GAN: variants seen among roughly 807,000 people sequenced by gnomAD.
GAN encodes gigaxonin, also known as epididymis secretory sperm binding protein.
Under a neutral mutation model 71.3 loss-of-function variants are expected in GAN, and 48 were observed. The observed-to-expected ratio is 0.67, with a 90% confidence interval of 0.53 to 0.86. The LOEUF (loss-of-function observed/expected upper bound fraction) is 0.86. Ranked by LOEUF, GAN falls within the 40% of genes least tolerant of loss-of-function variation. GAN has a pLI of 0.00. For missense variants in GAN, 928 were observed against 770.1 expected (o/e 1.21, Z -2.43); for synonymous variants, 386 against 276.8 (o/e 1.39, Z -3.92).
chr16:81,343,730 C>T (rs550376273), intron 1 of GAN, among the ~76,000 whole-genome samples: 1 of 152,198 alleles, frequency 6.6e-6, no homozygotes, highest in Non-Finnish European at 1.5e-5. Context: ...CCCTCTCTCA[C>T]CATTCCTATT....
At chr16:81,347,987 T>C (rs1431078870) in intron 1 of GAN, among the ~76,000 whole-genome samples, 1 of 152,032 alleles carries the variant, frequency 6.6e-6, no homozygotes, top group Non-Finnish European at 1.5e-5. Context: ...TCTTAACTTA[T>C]CTCTCATTTT....
chr16:81,324,579 G>A (rs894907186), intron 1 of GAN, among the ~76,000 whole-genome samples: 1 of 152,126 alleles, frequency 6.6e-6, no homozygotes, highest in Non-Finnish European at 1.5e-5. Context: ...TAGAGGCTGG[G>A]AAGGCCTGTG....
At chr16:81,345,821 A>G (rs1910099860) in intron 1 of GAN, among the ~76,000 whole-genome samples, 1 of 152,184 alleles carries the variant, frequency 6.6e-6, no homozygotes, top group Admixed American at 6.6e-5. Flanking sequence ...TGTCTGCAAG[A>G]CGCATGCAAG....
intron 1 of GAN, among the ~76,000 whole-genome samples, chr16:81,323,307 A>G (rs187834053): frequency 2.0e-5 from 3 of 152,296 alleles, no homozygotes; most frequent in Non-Finnish European, 2.9e-5. Flanking sequence ...CCTAAAAATT[A>G]CAATGCCTGC....
At position 81,377,266 on chromosome 16, in the gene GAN, C is replaced by A; in HGVS notation, c.1550C>A (p.Ser517Tyr). 6.2e-7 allele frequency: 1 copy of A among 1,612,618 alleles called. No individual in the cohort carries two copies. Among genetic ancestry groups the A allele is most frequent in the Non-Finnish European group, 8.5e-7 (1 of 1,178,628 alleles). The change falls in exon 10 of 11, where the codon TCT becomes TAT. Residue 517 changes from serine (S) to tyrosine (Y), a missense_variant. Coordinates refer to ENST00000648994, the MANE Select transcript of GAN (RefSeq NM_022041.4). ...AATTTATGCATCCCCGCCAGTTCCT[C>A]TTTTGTTTATGGAGCTGTACCTATA... ...DQNLCIPASS[S>Y]FVYGAVPIGA... is the part of the protein sequence containing the mutation.
At chr16:81,329,107 C>G (rs1909485578) in intron 1 of GAN, among the ~76,000 whole-genome samples, 1 of 152,076 alleles carries the variant, frequency 6.6e-6, no homozygotes, top group Non-Finnish European at 1.5e-5. Context: ...GATTGATAGT[C>G]AAGGCCTATC....
At chr16:81,333,686 G>A (rs561681208) in intron 1 of GAN, among the ~76,000 whole-genome samples, 1 of 152,302 alleles carries the variant, frequency 6.6e-6, no homozygotes, top group East Asian at 1.9e-4. Context: ...CTCAAGGATG[G>A]AGACTACCAA....
intron 1 of GAN, among the ~76,000 whole-genome samples, chr16:81,336,970 C>T (rs117101988): frequency 2.4e-4 from 36 of 152,164 alleles, no homozygotes; most frequent in Non-Finnish European, 4.9e-4. Context: ...TAGTTGACGT[C>T]AGGGTTCACT....
At chr16:81,334,787 T>A (rs1217432349) in intron 1 of GAN, among the ~76,000 whole-genome samples, 1 of 152,170 alleles carries the variant, frequency 6.6e-6, no homozygotes, top group Non-Finnish European at 1.5e-5. Flanking sequence ...AACAGTGTGG[T>A]CGTTTGACTT....
At chr16:81,324,867 G>A (rs1909331398) in intron 1 of GAN, among the ~76,000 whole-genome samples, 1 of 152,234 alleles carries the variant, frequency 6.6e-6, no homozygotes, top group African/African-American at 2.4e-5. Context: ...AGCCAAGAGT[G>A]GAACCAGCGG....
intron 1 of GAN, among the ~76,000 whole-genome samples, chr16:81,330,890 A>T (rs1005317717): frequency 3.7e-4 from 56 of 152,234 alleles, no homozygotes; most frequent in African/African-American, 1.4e-3. Context: ...TCTGCTAAAA[A>T]TGCATAACCT....
Position 81,349,998 on chromosome 16 carries a change from A to G in GAN, c.168-1585A>G, listed in dbSNP as rs116877347. ...TTTCTTAGTAAAAAATAACAGGAAT[A>G]TCTAGATATAAGTTCTTAAAACAAA... On this transcript the variant is annotated intron_variant, in intron 1 of 10. Transcript: ENST00000648994. Among the ~76,000 whole-genome samples the G allele has an allele frequency of 7.3e-3, 1,112 of 152,292 alleles. 5 individuals carry two copies. The highest frequency in any genetic ancestry group is 0.013 in the Non-Finnish European group (863 of 68,018).
At chr16:81,375,620 C>T (rs562224779) in intron 9 of GAN, among the ~76,000 whole-genome samples, 2 of 152,172 alleles carry the variant, frequency 1.3e-5, no homozygotes. Context: ...GCCACCACAC[C>T]TGGCCCCCAG....
intron 5 of GAN, among the ~76,000 whole-genome samples, chr16:81,360,164 C>T (rs1419761376): frequency 1.3e-5 from 2 of 152,160 alleles, no homozygotes; most frequent in Non-Finnish European, 2.9e-5. Flanking sequence ...TTTCTTCGTT[C>T]TTCCTTCTTA....
At chr16:81,348,531 G>T (rs1386705530) in intron 1 of GAN, among the ~76,000 whole-genome samples, 2 of 152,192 alleles carry the variant, frequency 1.3e-5, no homozygotes, top group Non-Finnish European at 2.9e-5. Flanking sequence ...CATGTTGCAA[G>T]TATGTGAAGA....
At chr16:81,342,663 C>G (rs1419379449) in intron 1 of GAN, among the ~76,000 whole-genome samples, 2 of 152,142 alleles carry the variant, frequency 1.3e-5, no homozygotes, top group Non-Finnish European at 2.9e-5. Context: ...GCACGAAATG[C>G]CCACAAGAGA....
In GAN at chr16:81,315,093, G is replaced by A. The variant is rs1277914807; in HGVS notation, c.-21G>A. 2 of 1,472,072 alleles carry A rather than the reference G, an allele frequency of 1.4e-6. No homozygotes were observed. The highest frequency in any genetic ancestry group is 1.5e-5 in the African/African-American group (1 of 67,806). The allele number at this position is 1,472,072 out of a possible 1,614,324, so 91.2% of individuals were successfully genotyped here. On this transcript the variant is annotated 5_prime_UTR_variant, in exon 1 of 11. Transcript: ENST00000648994. ...GACGGTGTCGGGAGCCGGACCCGTC[G>A]GCAGAGGAGCGGGCGCCGCGATGGC...
At chr16:81,342,974 C>A (rs746948324) in intron 1 of GAN, among the ~76,000 whole-genome samples, 1 of 152,126 alleles carries the variant, frequency 6.6e-6, no homozygotes, top group African/African-American at 2.4e-5. Flanking sequence ...GAAATACAAA[C>A]TACCTTCAGA....
In GAN at chr16:81,370,553, G is replaced by T. The variant is rs1911005983; in HGVS notation, c.1502+5075G>T. Among the ~76,000 whole-genome samples, 6 of 152,362 alleles carry T rather than the reference G, an allele frequency of 3.9e-5. No individual in the cohort carries two copies. In the South Asian group the frequency reaches 1.2e-3, roughly 32 times the overall value. On this transcript the variant is annotated intron_variant, in intron 9 of 10. Coordinates refer to ENST00000648994, the MANE Select transcript of GAN (RefSeq NM_022041.4). ...ACCCAAGGAAGGAACAAATCAGGAA[G>T]TATTTTCCCCATCCCACAGGGCTGA...
Sources: gnomAD v4.1 joint callset for allele counts (sites outside exome capture counted in the v4.1 genomes callset) on GRCh38, gnomAD v4.1.1 for gene constraint, MANE v1.5 for transcripts, NCBI Gene and HGNC (gene_info 2026-07-23, HGNC 2026-07-21) for gene names.